The following NPAS3 variants were observed in gnomAD, a reference collection of about 807,000 sequenced individuals.
The protein encoded by NPAS3 is neuronal PAS domain protein 3, also known as neuronal PAS domain-containing protein 3.
In NPAS3, 14 loss-of-function variants were observed where a neutral mutation model predicts 73.1. That is an observed-to-expected ratio of 0.19 (90% CI 0.13 to 0.30). NPAS3 has a LOEUF of 0.30. Ranked by LOEUF, NPAS3 falls within the 10% of genes least tolerant of loss-of-function variation. The pLI, the probability that NPAS3 is intolerant of heterozygous loss-of-function variation, is 1.00. For synonymous variants in NPAS3, 620 were observed against 541.5 expected (o/e 1.14, Z -2.01); for missense variants, 1,096 against 1,250.0 (o/e 0.88, Z 1.86).
At chr14:33,211,975 T>C (rs1281664909) in intron 2 of NPAS3, among the ~76,000 whole-genome samples, 2 of 152,332 alleles carry the variant, frequency 1.3e-5, no homozygotes, top group Middle Eastern at 3.4e-3. Context: ...ATTTTACTCA[T>C]GTACAACTAA....
At chr14:33,202,518 A>T (rs1366984089) in intron 2 of NPAS3, among the ~76,000 whole-genome samples, 2 of 152,174 alleles carry the variant, frequency 1.3e-5, no homozygotes, top group Non-Finnish European at 2.9e-5. Flanking sequence ...AGGACTAAGC[A>T]CCTAATAAAG....
chr14:33,000,864 G>A (rs529304441), intron 1 of NPAS3, among the ~76,000 whole-genome samples: 4 of 152,186 alleles, frequency 2.6e-5, no homozygotes, highest in Non-Finnish European at 5.9e-5. Flanking sequence ...GAAGGACAAG[G>A]ATTAGTGTGG....
Position 33,508,497 on chromosome 14 carries a change from A to G in NPAS3, c.469-51624A>G, listed in dbSNP as rs576134701. Among the ~76,000 whole-genome samples, 7 of 152,144 alleles carry G rather than the reference A, an allele frequency of 4.6e-5. No individual in the cohort carries two copies. In the South Asian group the frequency reaches 1.2e-3, roughly 27 times the overall value. ...TGCTGTTTTACACCATGTAAATCCA[A>G]AAGACTCCAGAAAGTAACCTTCTCT... On this transcript the variant is annotated intron_variant, in intron 4 of 11. Transcript: ENST00000356141.
At chr14:33,468,534 G>T (rs1261804505) in intron 4 of NPAS3, among the ~76,000 whole-genome samples, 1 of 152,092 alleles carries the variant, frequency 6.6e-6, no homozygotes, top group Non-Finnish European at 1.5e-5. Context: ...TTCTCTATAA[G>T]AATCAATCTC....
intron 1 of NPAS3, among the ~76,000 whole-genome samples, chr14:32,941,153 A>G (rs548854632): frequency 1.5e-3 from 230 of 151,786 alleles, no homozygotes; most frequent in African/African-American, 5.3e-3. Flanking sequence ...ATGAAGATGA[A>G]TACTTTTTGA....
chr14:33,561,917 G>A (rs1045936394), intron 5 of NPAS3, among the ~76,000 whole-genome samples: 4 of 152,206 alleles, frequency 2.6e-5, no homozygotes, highest in Non-Finnish European at 5.9e-5. Flanking sequence ...TGCATTTTCT[G>A]TAATTGAGAT....
chr14:32,976,650 T>C (rs748532700), intron 1 of NPAS3, among the ~76,000 whole-genome samples: 1 of 152,226 alleles, frequency 6.6e-6, no homozygotes, highest in Non-Finnish European at 1.5e-5. Context: ...TTAGTTGTTT[T>C]TCATTTAGGT....
intron 2 of NPAS3, among the ~76,000 whole-genome samples, chr14:33,192,529 C>T (rs529341264): frequency 6.6e-6 from 1 of 152,194 alleles, no homozygotes; most frequent in Non-Finnish European, 1.5e-5. Context: ...CCAGCTTGGC[C>T]CTTGGAACCC....
At chr14:33,490,205 T>C (rs1015986300) in intron 4 of NPAS3, among the ~76,000 whole-genome samples, 11 of 152,154 alleles carry the variant, frequency 7.2e-5, no homozygotes, top group Middle Eastern at 3.2e-3. Flanking sequence ...ATTCTCATAT[T>C]AAATAGGGAG....
At chr14:33,569,195 A>G (rs750081432) in intron 5 of NPAS3, among the ~76,000 whole-genome samples, 2 of 152,214 alleles carry the variant, frequency 1.3e-5, no homozygotes, top group Non-Finnish European at 2.9e-5. Context: ...ACCACATTCA[A>G]TAATAAGACA....
chr14:33,525,622 T>A (rs1459800067), intron 4 of NPAS3, among the ~76,000 whole-genome samples: 1 of 152,196 alleles, frequency 6.6e-6, no homozygotes, highest in Admixed American at 6.5e-5. Flanking sequence ...TGAAAGAATT[T>A]ACTCTATCAT....
intron 5 of NPAS3, among the ~76,000 whole-genome samples, chr14:33,616,915 T>C (rs1184174822): frequency 2.6e-5 from 4 of 152,208 alleles, no homozygotes; most frequent in Non-Finnish European, 4.4e-5. Flanking sequence ...GGTAGAAAAT[T>C]ACATGGCAGT....
intron 2 of NPAS3, among the ~76,000 whole-genome samples, chr14:33,210,606 C>T (rs1012843782): frequency 8.5e-5 from 13 of 152,074 alleles, no homozygotes; most frequent in Non-Finnish European, 1.0e-4. Flanking sequence ...CACATATACT[C>T]CTGATTAATA....
intron 4 of NPAS3, among the ~76,000 whole-genome samples, chr14:33,496,371 C>A (rs576981999): frequency 6.6e-6 from 1 of 152,182 alleles, no homozygotes; most frequent in African/African-American, 2.4e-5. Flanking sequence ...AGCCTGATAC[C>A]AAAGCCTGGC....
At chr14:33,364,905 T>A (rs1335768531) in intron 3 of NPAS3, among the ~76,000 whole-genome samples, 2 of 152,048 alleles carry the variant, frequency 1.3e-5, no homozygotes, top group African/African-American at 2.4e-5. Context: ...GTTTTAGGGT[T>A]CCTTATAACC....
intron 2 of NPAS3, among the ~76,000 whole-genome samples, chr14:33,119,360 C>T (rs563257011): frequency 6.6e-6 from 1 of 152,064 alleles, no homozygotes; most frequent in African/African-American, 2.4e-5. Flanking sequence ...TCCACAACTT[C>T]TCCCTTTCAC....
At chr14:33,576,662 A>G (rs529328229) in intron 5 of NPAS3, among the ~76,000 whole-genome samples, 78 of 152,320 alleles carry the variant, frequency 5.1e-4, no homozygotes, top group South Asian at 1.0e-3. Flanking sequence ...CGATTTTCAG[A>G]TGTTCACCTT....
chr14:33,516,308 C>T (rs895354968), intron 4 of NPAS3, among the ~76,000 whole-genome samples: 1 of 152,080 alleles, frequency 6.6e-6, no homozygotes, highest in African/African-American at 2.4e-5. Context: ...TCTTTCCTTT[C>T]AAGGAGGGGT....
intron 6 of NPAS3, among the ~76,000 whole-genome samples, chr14:33,680,331 GTTGTGTTTTACTCCTTC>G (rs2059898221): frequency 1.3e-5 from 2 of 152,184 alleles, no homozygotes; most frequent in South Asian, 4.1e-4. Context: ...CTGTAAAAGT[GTTGTGTTTTACTCCTTC>G]TTCCTGAATT....
Sources: allele counts gnomAD v4.1 joint callset (sites outside exome capture counted in the v4.1 genomes callset), GRCh38; gene constraint gnomAD v4.1.1; transcripts MANE v1.5; gene names NCBI Gene and HGNC (gene_info 2026-07-23, HGNC 2026-07-21).